TTLL5: variants seen among roughly 807,000 people sequenced by gnomAD.
TTLL5 encodes tubulin tyrosine ligase like 5, also known as tubulin polyglutamylase TTLL5.
A neutral mutation model predicts 168.4 loss-of-function variants in TTLL5; 132 were observed. That is an observed-to-expected ratio of 0.78 (90% CI 0.68 to 0.91). TTLL5 has a LOEUF of 0.91. TTLL5 is among the 40% of genes least tolerant of loss of function. The probability of loss-of-function intolerance (pLI) is 0.00; values close to 1 mark genes in which losing one functional copy is unlikely to be tolerated. For missense variants in TTLL5, 1,545 were observed against 1,581.5 expected (o/e 0.98, Z 0.39); for synonymous variants, 546 against 558.6 (o/e 0.98, Z 0.32).
At chr14:75,701,555 A>G (rs1276082217) in intron 7 of TTLL5, among the ~76,000 whole-genome samples, 1 of 152,224 alleles carries the variant, frequency 6.6e-6, no homozygotes, top group Non-Finnish European at 1.5e-5. Context: ...CCTTGCCAAA[A>G]TAAAGTGGGC....
At chr14:75,873,724 G>T (rs890624281) in intron 29 of TTLL5, among the ~76,000 whole-genome samples, 2 of 151,670 alleles carry the variant, frequency 1.3e-5, no homozygotes, top group African/African-American at 4.8e-5. Flanking sequence ...TTCATTGATG[G>T]ACATTTAGGT....
At chr14:75,785,450 A>G (rs1254974241) in intron 26 of TTLL5, among the ~76,000 whole-genome samples, 1 of 152,152 alleles carries the variant, frequency 6.6e-6, no homozygotes, top group African/African-American at 2.4e-5. Flanking sequence ...AAGTGCTGGG[A>G]TTACAGGCGT....
intron 27 of TTLL5, among the ~76,000 whole-genome samples, chr14:75,794,108 C>T (rs921695059): frequency 2.0e-5 from 3 of 152,056 alleles, no homozygotes; most frequent in African/African-American, 4.8e-5. Context: ...CTCATCCCAG[C>T]GTGTGAAGCA....
rs778792332 is a variant in TTLL5 at position 75,874,933 on chromosome 14, C to CCTTTTTTTTTTTTTTTTTTT, written c.3523-7752_3523-7751insCTTTTTTTTTTTTTTTTTTT. 2.1e-3 allele frequency among the ~76,000 whole-genome samples: 205 copies of CCTTTTTTTTTTTTTTTTTTT among 97,536 alleles called. 37 individuals are homozygous for CCTTTTTTTTTTTTTTTTTTT. Among genetic ancestry groups the CCTTTTTTTTTTTTTTTTTTT allele is most frequent in the African/African-American group, 9.5e-3 (194 of 20,376 alleles). 64.0% of individuals were successfully genotyped at this position (97,536 alleles called of 152,430 possible). On this transcript the variant is annotated intron_variant, in intron 29 of 31. Transcript: ENST00000298832. The stretch of plus-strand genomic sequence containing the variant: ...AGAGAAAAAAAAAGACACTGGGGGC[C>CCTTTTTTTTTTTTTTTTTTT]TTTTTTTTTTTTTTTTTTGAGACGG...
At chr14:75,937,043 T>C (rs143357736) in intron 31 of TTLL5, among the ~76,000 whole-genome samples, 1 of 152,354 alleles carries the variant, frequency 6.6e-6, no homozygotes, top group African/African-American at 2.4e-5. Context: ...TTAACATCTT[T>C]AAAATTGTGG....
At chr14:75,782,062 G>A (rs1022007524) in intron 24 of TTLL5, among the ~76,000 whole-genome samples, 1 of 151,760 alleles carries the variant, frequency 6.6e-6, no homozygotes, top group African/African-American at 2.4e-5. Flanking sequence ...GCTGTCTCGG[G>A]GTAGCTTCGC....
intron 17 of TTLL5, among the ~76,000 whole-genome samples, chr14:75,746,183 C>A (rs60421454): frequency 0.052 from 7,935 of 152,192 alleles, 481 homozygotes; most frequent in East Asian, 0.33. Flanking sequence ...TCTTTTGTAT[C>A]TGGACTCTTT....
At chr14:75,916,159 G>T (rs1301074533) in intron 31 of TTLL5, among the ~76,000 whole-genome samples, 1 of 147,092 alleles carries the variant, frequency 6.8e-6, no homozygotes, top group East Asian at 2.1e-4. Flanking sequence ...GAGGGGAGGA[G>T]AGGGAGGGGA....
Position 75,786,133 on chromosome 14 carries a change from C to T in TTLL5, c.2986+2603C>T, listed in dbSNP as rs553174081. On this transcript the variant is annotated intron_variant, in intron 26 of 31. Transcript: ENST00000298832. ...TATTAAATGGTCCACTTTAATAAGT[C>T]ATAAATATGAATATATACATATGTA... Among the ~76,000 whole-genome samples, 8 of 152,168 alleles carry T rather than the reference C, an allele frequency of 5.3e-5. No individual in the cohort carries two copies. The East Asian group carries it at 1.4e-3, about 26-fold the overall frequency.
chr14:75,849,107 C>A (rs1049525841), intron 28 of TTLL5, among the ~76,000 whole-genome samples: 1 of 152,178 alleles, frequency 6.6e-6, no homozygotes, highest in Non-Finnish European at 1.5e-5. Flanking sequence ...GCATTCTTCC[C>A]AAATTTATGT....
Position 75,683,504 on chromosome 14 carries a change from T to C in TTLL5, c.265-46T>C, listed in dbSNP as rs773879200. Reference sequence around the variant, plus strand: ...GCCATTGCTTTTCCTGGAGAAGGGGTATCTCTGATGTTTTTTTGCCTTCTT... The same window carrying C: ...GCCATTGCTTTTCCTGGAGAAGGGGCATCTCTGATGTTTTTTTGCCTTCTT... On this transcript the variant is annotated intron_variant, in intron 4 of 31. Transcript: ENST00000298832. 46 of 1,419,464 alleles carry C rather than the reference T, an allele frequency of 3.2e-5. 1 individual carries two copies. In the South Asian group the frequency reaches 4.9e-4, roughly 15 times the overall value. The allele number at this position is 1,419,464 out of a possible 1,614,324, so 87.9% of individuals were successfully genotyped here. A position where few individuals can be genotyped will look rare whatever the true frequency, so the allele number is the denominator to read the frequency against.
rs368767598 is a variant in TTLL5, at chr14:75,954,836, T to C, written c.*390T>C. ...GGCTCTTTGGCTATTTGCATTTTGC[T>C]TCCTCTTCTTTTCCAGATTACAGTA... On this transcript the variant is annotated 3_prime_UTR_variant, in exon 32 of 32. Coordinates refer to ENST00000298832, the MANE Select transcript of TTLL5 (RefSeq NM_015072.5). The C allele has an allele frequency of 5.3e-6, 1 of 189,618 alleles. No individual in the cohort carries two copies. Among genetic ancestry groups the C allele is most frequent in the South Asian group, 1.8e-4 (1 of 5,516 alleles). 11.7% of individuals were successfully genotyped at this position (189,618 alleles called of 1,614,324 possible). A position where few individuals can be genotyped will look rare whatever the true frequency, so the allele number is the denominator to read the frequency against.
chr14:75,741,148 T>TA (rs1254411034), intron 15 of TTLL5, among the ~76,000 whole-genome samples: 3 of 152,358 alleles, frequency 2.0e-5, no homozygotes, highest in Admixed American at 6.5e-5. Context: ...TTAGCAATGA[T>TA]GGTTAGATAT....
chr14:75,757,839 C>A (rs746682885), intron 18 of TTLL5: 23 of 1,591,886 alleles, frequency 1.4e-5, no homozygotes, highest in Non-Finnish European at 2.0e-5. Context: ...AGGGGAAACC[C>A]AAGAAGAAGC....
intron 31 of TTLL5, among the ~76,000 whole-genome samples, chr14:75,928,002 G>A (rs1293433030): frequency 6.6e-6 from 1 of 152,010 alleles, no homozygotes; most frequent in Non-Finnish European, 1.5e-5. Context: ...TTGAACAAGT[G>A]GTTTGGCCTT....
chr14:75,732,460 G>A (rs764078629), intron 13 of TTLL5, 41 bp downstream of exon 13: 34 of 1,563,194 alleles, frequency 2.2e-5, no homozygotes, highest in Non-Finnish European at 2.9e-5. Flanking sequence ...AAATCTTCAA[G>A]TAGTACTTAA....
chr14:75,719,073 G>A (rs1319441950), intron 10 of TTLL5, among the ~76,000 whole-genome samples: 1 of 152,188 alleles, frequency 6.6e-6, no homozygotes, highest in East Asian at 1.9e-4. Flanking sequence ...ACAGGTTCCA[G>A]ATTGCGGGGC....
chr14:75,783,564 GA>G, intron 26 of TTLL5, 34 bp downstream of exon 26: 1 of 1,597,742 alleles, frequency 6.3e-7, no homozygotes, highest in Non-Finnish European at 8.5e-7. Flanking sequence ...TCCACAATGT[GA>G]GCTCCTCCCC....
At chr14:75,909,745 C>T (rs2033293258) in intron 31 of TTLL5, among the ~76,000 whole-genome samples, 1 of 152,206 alleles carries the variant, frequency 6.6e-6, no homozygotes, top group Admixed American at 6.5e-5. Flanking sequence ...GCACTTCATC[C>T]GTAGCCTGTG....
Sources: gnomAD v4.1 joint callset for allele counts (sites outside exome capture counted in the v4.1 genomes callset) on GRCh38, gnomAD v4.1.1 for gene constraint, MANE v1.5 for transcripts, NCBI Gene and HGNC (gene_info 2026-07-23, HGNC 2026-07-21) for gene names.